TSHZ2: variants seen among roughly 807,000 people sequenced by gnomAD.
TSHZ2 encodes teashirt homolog 2.
Under a neutral mutation model 74.4 loss-of-function variants are expected in TSHZ2, and 21 were observed. The observed-to-expected ratio is 0.28, with a 90% CI of 0.20 to 0.41. The LOEUF is 0.41. TSHZ2 is among the 10% of genes least tolerant of loss of function. The pLI is 1.00. For missense variants in TSHZ2, 1,244 were observed against 1,293.5 expected (o/e 0.96, Z 0.59); for synonymous variants, 540 against 515.3 (o/e 1.05, Z -0.65).
intron 1 of TSHZ2, among the ~76,000 whole-genome samples, chr20:53,237,126 C>A (rs1364970167): frequency 1.3e-5 from 2 of 152,180 alleles, no homozygotes; most frequent in African/African-American, 4.8e-5. Flanking sequence ...TAAAACAACT[C>A]ACATGAGATC....
At chr20:53,092,566 T>C (rs994736069) in intron 1 of TSHZ2, among the ~76,000 whole-genome samples, 2 of 152,258 alleles carry the variant, frequency 1.3e-5, no homozygotes, top group Admixed American at 6.5e-5. Flanking sequence ...CATTGTCACA[T>C]GCTATGTCTT....
chr20:53,391,846 G>A (rs1047151787), intron 2 of TSHZ2, among the ~76,000 whole-genome samples: 1 of 152,164 alleles, frequency 6.6e-6, no homozygotes, highest in Non-Finnish European at 1.5e-5. Context: ...GGGATATTGA[G>A]GCACGAGAAT....
At chr20:53,320,659 G>A (rs1979222302) in intron 2 of TSHZ2, among the ~76,000 whole-genome samples, 1 of 152,132 alleles carries the variant, frequency 6.6e-6, no homozygotes, top group Non-Finnish European at 1.5e-5. Flanking sequence ...AAGTGTTAGG[G>A]GGTGTTAAAA....
At chr20:53,223,716 T>C (rs1989616339) in intron 1 of TSHZ2, among the ~76,000 whole-genome samples, 1 of 152,104 alleles carries the variant, frequency 6.6e-6, no homozygotes, top group African/African-American at 2.4e-5. Flanking sequence ...TCTATCACAT[T>C]CTTGTAATGA....
At chr20:53,463,439 G>GAAGGAAGGAAGGAAGGAAGGAAGA (rs1184885442) in intron 2 of TSHZ2, among the ~76,000 whole-genome samples, 2 of 141,816 alleles carry the variant, frequency 1.4e-5, no homozygotes, top group Non-Finnish European at 3.1e-5. Context: ...AGGAAGGAGG[G>GAAGGAAGGAAGGAAGGAAGGAAGA]AGGGAGGGAA....
rs112382326 is a variant in TSHZ2, at chr20:53,171,134, G to A, written c.41-82365G>A. ...GCTTTTATTAATGCAAAAACATTAA[G>A]GCACCAGCCCTCGATCCGAAAGCCT... is the stretch of plus-strand genomic sequence containing the variant. On this transcript the variant is annotated intron_variant, in intron 1 of 2. Transcript: ENST00000371497. 4.5e-3 allele frequency among the ~76,000 whole-genome samples: 681 copies of A among 152,202 alleles called. 2 individuals carry two copies. The highest frequency in any genetic ancestry group is 7.0e-3 in the Non-Finnish European group (478 of 68,004).
intron 1 of TSHZ2, among the ~76,000 whole-genome samples, chr20:52,974,120 C>A (rs903528762): frequency 3.3e-5 from 5 of 152,122 alleles, no homozygotes; most frequent in Non-Finnish European, 5.9e-5. Flanking sequence ...TACAATAGAC[C>A]TTCTAAAGTT....
chr20:53,359,784 G>A (rs545813952), intron 2 of TSHZ2, among the ~76,000 whole-genome samples: 2 of 152,308 alleles, frequency 1.3e-5, no homozygotes, highest in African/African-American at 4.8e-5. Flanking sequence ...AGGCAGGCAG[G>A]AGTCAGACCG....
intron 2 of TSHZ2, among the ~76,000 whole-genome samples, chr20:53,307,031 C>T (rs899812525): frequency 6.6e-6 from 1 of 152,176 alleles, no homozygotes; most frequent in Admixed American, 6.5e-5. Flanking sequence ...CGGACTGAGG[C>T]ATTTCCCAGG....
intron 1 of TSHZ2, among the ~76,000 whole-genome samples, chr20:53,092,272 T>C (rs1325153200): frequency 2.0e-5 from 3 of 152,126 alleles, no homozygotes; most frequent in African/African-American, 7.2e-5. Context: ...TTCTGTGTTG[T>C]CACATCCCTT....
At chr20:53,135,440 T>C (rs1987222055) in intron 1 of TSHZ2, among the ~76,000 whole-genome samples, 2 of 152,192 alleles carry the variant, frequency 1.3e-5, no homozygotes, top group Admixed American at 6.5e-5. Context: ...CATAAGGCCT[T>C]TGTGATCTGT....
intron 2 of TSHZ2, among the ~76,000 whole-genome samples, chr20:53,479,449 G>A (rs1986087250): frequency 2.0e-5 from 3 of 152,104 alleles, no homozygotes; most frequent in Non-Finnish European, 4.4e-5. Flanking sequence ...ACATGTCAGT[G>A]GTAAACGCAG....
At chr20:53,056,318 C>G (rs1235583410) in intron 1 of TSHZ2, among the ~76,000 whole-genome samples, 1 of 152,146 alleles carries the variant, frequency 6.6e-6, no homozygotes, top group African/African-American at 2.4e-5. Context: ...ACTGGACCAA[C>G]TATATACACT....
At chr20:53,468,099 T>G (rs994693250) in intron 2 of TSHZ2, among the ~76,000 whole-genome samples, 1 of 152,216 alleles carries the variant, frequency 6.6e-6, no homozygotes, top group African/African-American at 2.4e-5. Context: ...AATCCAAGCT[T>G]TGTCAAAGCA....
intron 2 of TSHZ2, among the ~76,000 whole-genome samples, chr20:53,279,138 T>C (rs549383921): frequency 1.2e-4 from 19 of 152,314 alleles, no homozygotes; most frequent in South Asian, 4.1e-4. Flanking sequence ...CATCTTCACA[T>C]TGAGTAGGCT....
At chr20:53,100,278 A>G (rs1183260417) in intron 1 of TSHZ2, among the ~76,000 whole-genome samples, 1 of 152,130 alleles carries the variant, frequency 6.6e-6, no homozygotes. Flanking sequence ...TTCATTTCTA[A>G]CAAGGGAAGT....
chr20:52,973,521 G>T (rs1441675016), intron 1 of TSHZ2, among the ~76,000 whole-genome samples, 188 bp downstream of exon 1: 2 of 152,116 alleles, frequency 1.3e-5, no homozygotes, highest in African/African-American at 4.8e-5. Flanking sequence ...CCAAGCTCCG[G>T]TTGGGTTGGG....
intron 1 of TSHZ2, among the ~76,000 whole-genome samples, chr20:53,226,734 A>G (rs1304057737): frequency 6.6e-6 from 1 of 152,114 alleles, no homozygotes; most frequent in African/African-American, 2.4e-5. Flanking sequence ...GTCCTGTGTT[A>G]TCAGTGTTTA....
intron 2 of TSHZ2, among the ~76,000 whole-genome samples, chr20:53,473,821 T>C (rs1985905507): frequency 6.6e-6 from 1 of 152,092 alleles, no homozygotes; most frequent in African/African-American, 2.4e-5. Flanking sequence ...AAGGAGCTGA[T>C]GGAGCTGAAA....
Sources: gnomAD v4.1 joint callset for allele counts (sites outside exome capture counted in the v4.1 genomes callset) on GRCh38, gnomAD v4.1.1 for gene constraint, MANE v1.5 for transcripts, NCBI Gene and HGNC (gene_info 2026-07-23, HGNC 2026-07-21) for gene names.